The following CHST6 variants were observed in gnomAD, a reference collection of about 807,000 sequenced individuals.
CHST6 encodes carbohydrate sulfotransferase 6, also known as N-acetylglucosamine 6-O-sulfotransferase 5.
For synonymous variants in CHST6, 309 were observed against 276.4 expected (o/e 1.12, Z -1.17); for missense variants, 698 against 586.2 (o/e 1.19, Z -1.97).
rs1215776868 is a variant in CHST6, at chr16:75,479,293, A to G, written c.536T>C (p.Phe179Ser). The G allele has an allele frequency of 4.3e-6, 7 of 1,613,214 alleles. No individual in the cohort carries two copies. In the South Asian group the frequency reaches 7.7e-5, roughly 18 times the overall value. Reference sequence around the variant, plus strand: ...CAGCGGGTAGAGCACCTGCAGGTTGAAGAAGCGCACCTCCTTGAGCACCAC... The same window carrying G: ...CAGCGGGTAGAGCACCTGCAGGTTGGAGAAGCGCACCTCCTTGAGCACCAC... ...SHVVLKEVRFFNLQVLYPLLS... is the reference protein window; with the variant it reads ...SHVVLKEVRFSNLQVLYPLLS... The change falls in exon 3 of 3, where the codon TTC (phenylalanine) becomes TCC (serine). Residue 179 changes from phenylalanine (F) to serine (S), a missense_variant. Physicochemically the swap from Phe to Ser is radical, Grantham distance 155. Coordinates refer to ENST00000332272, the MANE Select transcript of CHST6 (RefSeq NM_021615.5).
chr16:75,493,864 T>C (rs1035884437), intron 1 of CHST6, among the ~76,000 whole-genome samples: 1 of 152,160 alleles, frequency 6.6e-6, no homozygotes, highest in African/African-American at 2.4e-5. Flanking sequence ...GTGTTTTTTC[T>C]GAGATGGAGT....
intron 1 of CHST6, among the ~76,000 whole-genome samples, chr16:75,483,420 T>C (rs910464172): frequency 6.6e-6 from 1 of 152,186 alleles, no homozygotes; most frequent in Non-Finnish European, 1.5e-5. Flanking sequence ...TGAGATCCTA[T>C]TACTGAAACT....
chr16:75,479,733 C>G lies in CHST6; in HGVS notation c.96G>C (p.Ser32=). Residue 32 remains serine, a synonymous_variant, in exon 3 of 3, where the codon TCG becomes TCC. Transcript: ENST00000332272. ...LLFLVSRPGP[S]SPAGGEARVH... is the part of the protein sequence containing the mutation. ...CGCGCGCCTCGCCGCCTGCTGGGGA[C>G]GAGGGCCCTGGCCGGGAAACCAGAA... 6.2e-7 allele frequency: 1 copy of G among 1,606,598 alleles called. No homozygotes were observed. Among genetic ancestry groups the G allele is most frequent in the Non-Finnish European group, 8.5e-7 (1 of 1,176,610 alleles).
At chr16:75,491,660 G>A (rs897442546) in intron 1 of CHST6, among the ~76,000 whole-genome samples, 10 of 152,138 alleles carry the variant, frequency 6.6e-5, no homozygotes, top group Admixed American at 4.6e-4. Context: ...GTGAGCCACC[G>A]TGCCCGGCTG....
chr16:75,489,420 G>C (rs974644019), intron 1 of CHST6, among the ~76,000 whole-genome samples: 1 of 134,830 alleles, frequency 7.4e-6, no homozygotes, highest in Admixed American at 7.4e-5. Flanking sequence ...AAAAAAAAAA[G>C]AAAAAAGAAA....
chr16:75,492,184 T>TG (rs2080263647), intron 1 of CHST6, among the ~76,000 whole-genome samples: 1 of 152,260 alleles, frequency 6.6e-6, no homozygotes, highest in African/African-American at 2.4e-5. Context: ...GCCACTGCCC[T>TG]GGGGCATTTC....
At chr16:75,485,709 C>G (rs2080189209) in intron 1 of CHST6, among the ~76,000 whole-genome samples, 1 of 152,116 alleles carries the variant, frequency 6.6e-6, no homozygotes, top group Non-Finnish European at 1.5e-5. Context: ...GAGATAAGAT[C>G]AGCAAAAGAT....
chr16:75,474,805 G>T lies in CHST6; in HGVS notation c.*3836C>A, dbSNP rs563843928. 31 of 393,862 alleles carry T rather than the reference G, an allele frequency of 7.9e-5. No individual in the cohort carries two copies. The South Asian group carries it at 1.1e-3, about 13-fold the overall frequency. 24.4% of individuals were successfully genotyped at this position (393,862 alleles called of 1,614,324 possible). On this transcript the variant is annotated 3_prime_UTR_variant, in exon 3 of 3. Transcript: ENST00000332272. The stretch of plus-strand genomic sequence containing the variant: ...CCAACTCACTCCTGAAATAATGGTG[G>T]TTTTTTTTAAGACAGACTCTCGCTT...
chr16:75,487,342 C>T (rs2080209340), intron 1 of CHST6, among the ~76,000 whole-genome samples: 1 of 152,216 alleles, frequency 6.6e-6, no homozygotes, highest in African/African-American at 2.4e-5. Flanking sequence ...GCAGCACTCA[C>T]TTCCAGCCAA....
Position 75,477,442 on chromosome 16 carries a change from C to T in CHST6, c.*1199G>A, listed in dbSNP as rs1320452943. 6.6e-6 allele frequency: 1 copy of T among 152,226 alleles called. No homozygotes were observed. The highest frequency in any genetic ancestry group is 1.5e-5 in the Non-Finnish European group (1 of 68,048). The allele number at this position is 152,226 out of a possible 1,614,324, so 9.4% of individuals were successfully genotyped here. The stretch of plus-strand genomic sequence containing the variant: ...ACGTGAGGGAAACTGCCTCATTTCA[C>T]AGGTAACAGGGTCAGAAGTTCTGTT... On this transcript the variant is annotated 3_prime_UTR_variant, in exon 3 of 3. Transcript: ENST00000332272.
chr16:75,493,840 T>C (rs1375834304), intron 1 of CHST6, among the ~76,000 whole-genome samples: 1 of 152,142 alleles, frequency 6.6e-6, no homozygotes, highest in African/African-American at 2.4e-5. Context: ...AAGTCATGGC[T>C]AGAGGCCTGG....
At chr16:75,482,270 C>T (rs1192732734) in intron 1 of CHST6, among the ~76,000 whole-genome samples, 1 of 152,134 alleles carries the variant, frequency 6.6e-6, no homozygotes, top group Admixed American at 6.5e-5. Context: ...TCACATAGGT[C>T]GGGTATGGAG....
intron 1 of CHST6, among the ~76,000 whole-genome samples, chr16:75,493,713 G>A (rs2080281234): frequency 6.6e-6 from 1 of 152,150 alleles, no homozygotes. Flanking sequence ...GTCTTTGAAT[G>A]AGGAAAACCC....
intron 1 of CHST6, among the ~76,000 whole-genome samples, chr16:75,484,205 C>T (rs1436001930): frequency 6.6e-6 from 1 of 151,950 alleles, no homozygotes; most frequent in African/African-American, 2.4e-5. Flanking sequence ...GGCATGATGG[C>T]AGGCACCTGT....
chr16:75,488,108 G>A (rs894665678), intron 1 of CHST6, among the ~76,000 whole-genome samples: 1 of 152,138 alleles, frequency 6.6e-6, no homozygotes, highest in East Asian at 1.9e-4. Context: ...TGTAACACTA[G>A]GTATAGATCC....
At chr16:75,494,252 A>T (rs2550903) in intron 1 of CHST6, among the ~76,000 whole-genome samples, 5,730 of 151,920 alleles carry the variant, frequency 0.038, 170 homozygotes, top group African/African-American at 0.084. Flanking sequence ...ACTCCAGTTG[A>T]CTCTGTTTGT....
rs2080105146 is a variant in CHST6 at position 75,479,157 on chromosome 16, G to A, written c.672C>T (p.Ile224=). Residue 224 remains isoleucine (I), a synonymous_variant, in exon 3 of 3, where the codon ATC becomes ATT. Transcript: ENST00000332272. ...TAKALARDNG[I]VLGTNGTWVE... ...CCCACGTGCCGTTGGTGCCCAGCAC[G>A]ATGCCGTTGTCACGCGCCAGAGCCT... 6 of 1,607,408 alleles carry A rather than the reference G, an allele frequency of 3.7e-6. No individual in the cohort carries two copies. Among genetic ancestry groups the A allele is most frequent in the Admixed American group, 1.7e-5 (1 of 59,894 alleles).
chr16:75,479,297 A>C lies in CHST6; in HGVS notation c.532T>G (p.Phe178Val), dbSNP rs1567409280. ...YSHVVLKEVR[F>V]FNLQVLYPLL... is the part of the protein sequence containing the mutation. ...GGGTAGAGCACCTGCAGGTTGAAGA[A>C]GCGCACCTCCTTGAGCACCACGTGG... The change falls in exon 3 of 3, where the codon TTC becomes GTC. Residue 178 changes from phenylalanine to valine, a missense_variant. By Grantham distance (50) the Phe-to-Val change is conservative (BLOSUM62 -1). Coordinates refer to ENST00000332272, the MANE Select transcript of CHST6 (RefSeq NM_021615.5). 5 of 1,613,230 alleles carry C rather than the reference A, an allele frequency of 3.1e-6. No individual in the cohort carries two copies. The highest frequency in any genetic ancestry group is 4.2e-6 in the Non-Finnish European group (5 of 1,179,786).
intron 2 of CHST6, among the ~76,000 whole-genome samples, chr16:75,480,595 T>C (rs1291409377): frequency 6.6e-6 from 1 of 150,956 alleles, no homozygotes; most frequent in Non-Finnish European, 1.5e-5. Context: ...AATAGACAGG[T>C]ATAACTTTTC....
Sources: allele counts gnomAD v4.1 joint callset (sites outside exome capture counted in the v4.1 genomes callset), GRCh38; gene constraint gnomAD v4.1.1; transcripts MANE v1.5; gene names NCBI Gene and HGNC (gene_info 2026-07-23, HGNC 2026-07-21).